KLF12: variants seen among roughly 807,000 people sequenced by gnomAD.
KLF12 encodes Krueppel-like factor 12.
In KLF12, 9 loss-of-function variants were observed where a neutral mutation model predicts 37.8. That is an observed-to-expected ratio of 0.24 (90% CI 0.14 to 0.42). The LOEUF (loss-of-function observed/expected upper bound fraction) is 0.42. Among genes scored for constraint, KLF12 ranks in the 10% least tolerant of loss-of-function variants. The pLI is 1.00. For missense variants in KLF12, 411 were observed against 516.0 expected, an observed-to-expected ratio of 0.80 and a Z score of 1.97; for synonymous variants, 208 against 202.1, an observed-to-expected ratio of 1.03 and a Z score of -0.25.
rs769042318 is a variant in KLF12 at position 73,846,212 on chromosome 13, G to C, written c.285C>G (p.Ala95=). ...TCATGGAAACTGGGGAGGATGAAACGGCAGTAGGGGACGTCCTGGCTTTGT... is the reference window on the plus strand; with the variant it reads ...TCATGGAAACTGGGGAGGATGAAACCGCAGTAGGGGACGTCCTGGCTTTGT... The change falls in exon 4 of 8, where the codon GCC becomes GCG. Residue 95 remains alanine, a synonymous_variant. Coordinates refer to ENST00000377669, the MANE Select transcript of KLF12 (RefSeq NM_007249.5). 6.2e-7 allele frequency: 1 copy of C among 1,614,116 alleles called. No individual in the cohort carries two copies. Among genetic ancestry groups the C allele is most frequent in the Admixed American group, 1.7e-5 (1 of 60,006 alleles).
At chr13:74,240,550 G>T in the KLF12 span, among the ~76,000 whole-genome samples, 3 of 49,496 alleles carry the variant, frequency 6.1e-5, no homozygotes, top group African/African-American at 2.0e-4. Flanking sequence ...TTCCAACTTG[G>T]TTCCATTCTC....
the KLF12 span, among the ~76,000 whole-genome samples, chr13:74,160,844 A>G: frequency 6.6e-6 from 1 of 152,132 alleles, no homozygotes; most frequent in African/African-American, 2.4e-5. Flanking sequence ...GCAAGTACAC[A>G]AGGCTCGTTG....
At chr13:73,968,442 C>A (rs1891232645) in intron 2 of KLF12, among the ~76,000 whole-genome samples, 1 of 152,110 alleles carries the variant, frequency 6.6e-6, no homozygotes, top group Non-Finnish European at 1.5e-5. Context: ...CACTATATTT[C>A]CATATGCTTC....
the KLF12 span, among the ~76,000 whole-genome samples, chr13:74,238,740 A>G: frequency 2.0e-5 from 3 of 151,718 alleles, no homozygotes; most frequent in East Asian, 3.9e-4. Flanking sequence ...AGGTGTTTGT[A>G]GTATTCTCTG....
intron 2 of KLF12, among the ~76,000 whole-genome samples, chr13:73,979,253 C>A (rs1263935809): frequency 6.6e-6 from 1 of 151,964 alleles, no homozygotes; most frequent in Non-Finnish European, 1.5e-5. Flanking sequence ...ATGGGAGAGG[C>A]TACATGTGTG....
the KLF12 span, chr13:74,258,040 C>T: frequency 6.6e-6 from 1 of 151,732 alleles, no homozygotes; most frequent in East Asian, 1.9e-4. Flanking sequence ...GAAAAAAAAA[C>T]GTGGCAGGAG....
chr13:73,735,335 C>T (rs984789410), intron 6 of KLF12, among the ~76,000 whole-genome samples: 1 of 152,044 alleles, frequency 6.6e-6, no homozygotes, highest in Non-Finnish European at 1.5e-5. Flanking sequence ...AGTAGTATGA[C>T]AAAGCATTTA....
intron 2 of KLF12, among the ~76,000 whole-genome samples, chr13:73,988,884 AT>A (rs1323571748): frequency 6.6e-6 from 1 of 152,184 alleles, no homozygotes; most frequent in Admixed American, 6.5e-5. Flanking sequence ...ATGCTTTAGA[AT>A]TTTTTTCTCA....
the KLF12 span, among the ~76,000 whole-genome samples, chr13:74,176,593 T>C: frequency 6.6e-6 from 1 of 152,202 alleles, no homozygotes; most frequent in African/African-American, 2.4e-5. Flanking sequence ...CATGAGCTCC[T>C]GTTCTAGTAT....
intron 6 of KLF12, among the ~76,000 whole-genome samples, chr13:73,754,430 G>A (rs940875042): frequency 6.6e-6 from 1 of 152,020 alleles, no homozygotes; most frequent in Non-Finnish European, 1.5e-5. Context: ...CTCTCATCAC[G>A]CAGGCCTCTC....
chr13:74,139,845 A>G, the KLF12 span, among the ~76,000 whole-genome samples: 1 of 152,246 alleles, frequency 6.6e-6, no homozygotes, highest in East Asian at 1.9e-4. Flanking sequence ...GAGGCATATG[A>G]GATCTGAACT....
chr13:73,864,491 A>G (rs532986033), intron 3 of KLF12, among the ~76,000 whole-genome samples: 2 of 152,252 alleles, frequency 1.3e-5, no homozygotes, highest in East Asian at 3.9e-4. Context: ...CACAACAATT[A>G]TATCAGATTG....
the KLF12 span, among the ~76,000 whole-genome samples, chr13:74,279,669 CAT>C: frequency 6.6e-6 from 1 of 152,168 alleles, no homozygotes; most frequent in African/African-American, 2.4e-5. Flanking sequence ...TGGTAAAACA[CAT>C]GTCAGTTTTG....
At position 73,882,298 on chromosome 13, in the gene KLF12, T is replaced by C. The variant is rs558453876; in HGVS notation, c.124-35925A>G. On this transcript the variant is annotated intron_variant, in intron 3 of 7. Coordinates refer to ENST00000377669, the MANE Select transcript of KLF12 (RefSeq NM_007249.5). ...TTTTTGGAATTTTCAGAACTGCATC[T>C]TCCTAAATCATTCTCATTCTGATCA... 7.2e-5 allele frequency among the ~76,000 whole-genome samples: 11 copies of C among 152,346 alleles called. No individual in the cohort carries two copies. In the South Asian group the frequency reaches 2.3e-3, roughly 32 times the overall value.
At chr13:74,064,431 T>G (rs1873791213) in intron 1 of KLF12, among the ~76,000 whole-genome samples, 1 of 152,130 alleles carries the variant, frequency 6.6e-6, no homozygotes, top group Admixed American at 6.5e-5. Flanking sequence ...GTCACATAAC[T>G]TTAGCAAAAT....
the KLF12 span, among the ~76,000 whole-genome samples, chr13:74,241,088 G>T: frequency 6.6e-6 from 1 of 151,916 alleles, no homozygotes; most frequent in Non-Finnish European, 1.5e-5. Context: ...TCTACTTTTG[G>T]TCTTTGATGA....
At chr13:74,135,060 T>C (rs1238554932), upstream of KLF12, among the ~76,000 whole-genome samples, 1 of 150,444 alleles carries the variant, frequency 6.6e-6, no homozygotes, top group Non-Finnish European at 1.5e-5. Flanking sequence ...CGCGCGCCGG[T>C]GGGGCGGGCG....
chr13:73,880,766 T>C (rs924112939), intron 3 of KLF12, among the ~76,000 whole-genome samples: 1 of 152,248 alleles, frequency 6.6e-6, no homozygotes, highest in Non-Finnish European at 1.5e-5. Flanking sequence ...TTCTTGGCTA[T>C]GTTCTAAATA....
chr13:73,766,896 T>C (rs1370498783), intron 5 of KLF12, among the ~76,000 whole-genome samples: 2 of 152,230 alleles, frequency 1.3e-5, no homozygotes, highest in Non-Finnish European at 2.9e-5. Context: ...AAAATTTCAC[T>C]GATCCATAGA....
Sources: allele counts gnomAD v4.1 joint callset (sites outside exome capture counted in the v4.1 genomes callset), GRCh38; gene constraint gnomAD v4.1.1; transcripts MANE v1.5; gene names NCBI Gene and HGNC (gene_info 2026-07-23, HGNC 2026-07-21).